Variants in RNF216 observed in about 807,000 individuals in gnomAD.
RNF216 encodes the protein ring finger protein 216.
A neutral mutation model predicts 110.8 loss-of-function variants in RNF216; 72 were observed. The ratio of observed to expected loss-of-function variants is 0.65; its 90% CI spans 0.54 to 0.79. RNF216 has a LOEUF of 0.79. Among genes scored for constraint, RNF216 ranks in the 30% least tolerant of loss-of-function variants. The pLI is 0.00. For missense variants in RNF216, 1,342 were observed against 1,141.2 expected (o/e 1.18, Z -2.54); for synonymous variants, 495 against 407.5 (o/e 1.21, Z -2.59).
intron 7 of RNF216, among the ~76,000 whole-genome samples, chr7:5,728,654 G>C (rs1237953609): frequency 6.6e-6 from 1 of 152,136 alleles, no homozygotes; most frequent in South Asian, 2.1e-4. Flanking sequence ...ACAGTCCTTG[G>C]CTTGGTTCTT....
intron 13 of RNF216, among the ~76,000 whole-genome samples, chr7:5,654,439 C>T (rs536687780): frequency 1.3e-5 from 2 of 152,114 alleles, no homozygotes; most frequent in Non-Finnish European, 2.9e-5. Context: ...CTCATTCCAG[C>T]ACTTTGGGAG....
At chr7:5,698,465 CA>C (rs1440431190) in intron 13 of RNF216, among the ~76,000 whole-genome samples, 2 of 151,916 alleles carry the variant, frequency 1.3e-5, no homozygotes, top group African/African-American at 4.8e-5. Flanking sequence ...TCATGGTTCA[CA>C]GCGGCCTCGA....
chr7:5,652,079 T>C (rs1188247011), intron 14 of RNF216, among the ~76,000 whole-genome samples: 1 of 152,176 alleles, frequency 6.6e-6, no homozygotes, highest in Non-Finnish European at 1.5e-5. Flanking sequence ...AGGCCAACAG[T>C]TTCCTATAAC....
intron 2 of RNF216, among the ~76,000 whole-genome samples, chr7:5,754,153 T>TGC (rs1465747940): frequency 6.9e-6 from 1 of 145,610 alleles, no homozygotes; most frequent in African/African-American, 2.5e-5. Context: ...TGTGTGTGTG[T>TGC]GTGTGTGTGC....
At chr7:5,771,538 T>C (rs1796494428) in intron 1 of RNF216, among the ~76,000 whole-genome samples, 1 of 152,240 alleles carries the variant, frequency 6.6e-6, no homozygotes, top group South Asian at 2.1e-4. Flanking sequence ...GGCTCATGCC[T>C]GTAATCCCTG....
At chr7:5,671,747 G>C (rs1308631264) in intron 13 of RNF216, among the ~76,000 whole-genome samples, 5 of 142,854 alleles carry the variant, frequency 3.5e-5, no homozygotes, top group African/African-American at 7.8e-5. Flanking sequence ...GGAGGTTGCA[G>C]TGAGCCGAGA....
At chr7:5,643,652 G>GT (rs1291147136) in intron 14 of RNF216, among the ~76,000 whole-genome samples, 1 of 152,174 alleles carries the variant, frequency 6.6e-6, no homozygotes, top group Admixed American at 6.6e-5. Context: ...GAAGATGCAT[G>GT]TGTGTATGCA....
At chr7:5,738,722 A>AG (rs1465001311) in intron 5 of RNF216, among the ~76,000 whole-genome samples, 2 of 151,908 alleles carry the variant, frequency 1.3e-5, no homozygotes, top group African/African-American at 4.8e-5. Context: ...AAAAAAAAAA[A>AG]AAAAAAAAAA....
intron 14 of RNF216, among the ~76,000 whole-genome samples, chr7:5,651,081 T>C (rs1788356933): frequency 6.6e-6 from 1 of 152,236 alleles, no homozygotes. Flanking sequence ...CTGTATCACT[T>C]ATAACATAAA....
chr7:5,706,399 G>C (rs1290436762), intron 13 of RNF216, among the ~76,000 whole-genome samples: 1 of 152,040 alleles, frequency 6.6e-6, no homozygotes, highest in Non-Finnish European at 1.5e-5. Context: ...CCTTCTCCCA[G>C]CCTCTGGCAC....
At chr7:5,740,635 G>A (rs181687258) in intron 4 of RNF216, among the ~76,000 whole-genome samples, 17 of 152,232 alleles carry the variant, frequency 1.1e-4, no homozygotes, top group African/African-American at 3.6e-4. Context: ...GGACAGCATA[G>A]GTCTAGGTAA....
intron 13 of RNF216, among the ~76,000 whole-genome samples, chr7:5,698,925 C>T (rs367973890): frequency 1.1e-4 from 16 of 152,262 alleles, no homozygotes; most frequent in East Asian, 7.7e-4. Context: ...ACAGGACATT[C>T]GAATAAGGGT....
chr7:5,762,004 G>A (rs1189549320), intron 1 of RNF216, among the ~76,000 whole-genome samples: 3 of 152,096 alleles, frequency 2.0e-5, no homozygotes, highest in African/African-American at 7.2e-5. Flanking sequence ...ACCTCTGTGT[G>A]TTCTCCAAGA....
At chr7:5,718,636 G>A (rs1229665059) in intron 9 of RNF216, among the ~76,000 whole-genome samples, 2 of 149,726 alleles carry the variant, frequency 1.3e-5, no homozygotes, top group Non-Finnish European at 3.0e-5. Flanking sequence ...AACCAACCTC[G>A]ACCTCCCATG....
At chr7:5,749,983 T>C (rs896969983) in intron 3 of RNF216, among the ~76,000 whole-genome samples, 1 of 152,200 alleles carries the variant, frequency 6.6e-6, no homozygotes, top group African/African-American at 2.4e-5. Flanking sequence ...CTTATAGCAA[T>C]TTGGTATACT....
chr7:5,622,977 G>T lies in RNF216; in HGVS notation c.2655C>A (p.Ala885=). Reference sequence around the variant, plus strand: ...CGTTGGGCAGAGGGGGCACGTACGGGGCTGGGATAGGCCCCATGTTGAGTG... The same window carrying T: ...CGTTGGGCAGAGGGGGCACGTACGGTGCTGGGATAGGCCCCATGTTGAGTG... ...NFPLNMGPIP[A]PYVPPLPNVR... is the part of the protein sequence containing the mutation. Residue 885 remains alanine (A), a synonymous_variant, in exon 17 of 17, where the codon GCC becomes GCA. Coordinates refer to ENST00000389902, the MANE Select transcript of RNF216 (RefSeq NM_207111.4). 1 of 1,614,104 alleles carries T rather than the reference G, an allele frequency of 6.2e-7. No homozygotes were observed. The highest frequency in any genetic ancestry group is 1.1e-5 in the South Asian group (1 of 91,080).
intron 15 of RNF216, among the ~76,000 whole-genome samples, chr7:5,636,982 G>A (rs1002523936): frequency 6.6e-6 from 1 of 152,164 alleles, no homozygotes; most frequent in Admixed American, 6.5e-5. Flanking sequence ...AGAAAAAAGT[G>A]CTGAGAATAG....
At chr7:5,678,883 C>CGA (rs1790478253) in intron 13 of RNF216, among the ~76,000 whole-genome samples, 1 of 152,168 alleles carries the variant, frequency 6.6e-6, no homozygotes, top group African/African-American at 2.4e-5. Flanking sequence ...CTGAGGAGGC[C>CGA]GAGCTCCTAG....
At chr7:5,769,222 A>T (rs1796365813) in intron 1 of RNF216, among the ~76,000 whole-genome samples, 1 of 149,350 alleles carries the variant, frequency 6.7e-6, no homozygotes, top group African/African-American at 2.5e-5. Context: ...TGTTCAAGTG[A>T]TTCTCCTGCC....
Sources: allele counts gnomAD v4.1 joint callset (sites outside exome capture counted in the v4.1 genomes callset), GRCh38; gene constraint gnomAD v4.1.1; transcripts MANE v1.5; gene names NCBI Gene and HGNC (gene_info 2026-07-23, HGNC 2026-07-21).